The following AFAP1 variants were observed in gnomAD, a reference collection of about 807,000 sequenced individuals.
AFAP1 encodes the protein actin filament associated protein 1.
AFAP1 carries 75 observed loss-of-function variants against 93.9 expected under a neutral mutation model. The ratio of observed to expected loss-of-function variants is 0.80; its 90% CI spans 0.66 to 0.97. AFAP1 has a LOEUF of 0.97. AFAP1 is among the 50% of genes least tolerant of loss of function. AFAP1 has a pLI of 0.00. For synonymous variants in AFAP1, 517 were observed against 430.7 expected (o/e 1.20, Z -2.48); for missense variants, 1,201 against 1,050.8 (o/e 1.14, Z -1.98).
At chr4:7,934,370 CGT>C (rs1463967335) in intron 1 of AFAP1, among the ~76,000 whole-genome samples, 2 of 152,366 alleles carry the variant, frequency 1.3e-5, no homozygotes, top group South Asian at 2.1e-4. Flanking sequence ...CAGCTCTCCA[CGT>C]GTGAGTCACG....
chr4:7,851,560 C>A (rs538691361), intron 4 of AFAP1, among the ~76,000 whole-genome samples: 1 of 152,196 alleles, frequency 6.6e-6, no homozygotes, highest in East Asian at 1.9e-4. Flanking sequence ...TCTTGATACT[C>A]GGGTAAATAC....
chr4:7,764,727 G>T (rs1253761854), intron 17 of AFAP1, among the ~76,000 whole-genome samples: 1 of 152,184 alleles, frequency 6.6e-6, no homozygotes, highest in African/African-American at 2.4e-5. Flanking sequence ...GTGGGCACTG[G>T]GCAGGCACTG....
intron 6 of AFAP1, among the ~76,000 whole-genome samples, chr4:7,829,780 G>A (rs1372792208): frequency 6.6e-6 from 1 of 152,108 alleles, no homozygotes; most frequent in Non-Finnish European, 1.5e-5. Context: ...AGGGAAAATT[G>A]GTAAACCTCC....
At chr4:7,891,337 G>A (rs1285647273) in intron 1 of AFAP1, among the ~76,000 whole-genome samples, 1 of 152,088 alleles carries the variant, frequency 6.6e-6, no homozygotes, top group Non-Finnish European at 1.5e-5. Flanking sequence ...CGTCTTCACG[G>A]ACTAGGATTC....
At chr4:7,898,646 A>G (rs1450895926) in intron 1 of AFAP1, among the ~76,000 whole-genome samples, 2 of 69,566 alleles carry the variant, frequency 2.9e-5, no homozygotes, top group Non-Finnish European at 6.9e-5. Context: ...GAGTTAAACA[A>G]AGAAAAAGAA....
At position 7,868,660 on chromosome 4, in the gene AFAP1, G is replaced by A. The variant is rs1408313432; in HGVS notation, c.187C>T (p.Pro63Ser). Residue 63 changes from proline (P) to serine (S), a missense_variant, in exon 3 of 18, where the codon CCT becomes TCT. By Grantham distance (74) the Pro-to-Ser change is moderately conservative (BLOSUM62 -1). Coordinates refer to ENST00000420658, the MANE Select transcript of AFAP1 (RefSeq NM_001134647.2). ...GGGATCTCCGGCAGGGGCATCTGAG[G>A]AGGGGCTGGCAGGCTGTTAGCGGTC... is the stretch of plus-strand genomic sequence containing the variant. Reference protein sequence around the residue: ...QETANSLPAPPQMPLPEIPQP... With the variant: ...QETANSLPAPSQMPLPEIPQP... 1.2e-6 allele frequency: 2 copies of A among 1,613,328 alleles called. No homozygotes were observed. The highest frequency in any genetic ancestry group is 1.7e-6 in the Non-Finnish European group (2 of 1,179,946).
chr4:7,920,874 T>C (rs1238557900), intron 1 of AFAP1, among the ~76,000 whole-genome samples: 1 of 152,146 alleles, frequency 6.6e-6, no homozygotes, highest in African/African-American at 2.4e-5. Flanking sequence ...CTGAAAAATA[T>C]CTTCTACAGA....
Position 7,837,073 on chromosome 4 carries a change from T to C in AFAP1, c.726+1451A>G, listed in dbSNP as rs964883678. On this transcript the variant is annotated intron_variant, in intron 6 of 17. Coordinates refer to ENST00000420658, the MANE Select transcript of AFAP1 (RefSeq NM_001134647.2). ...CTGTCAAACCACCATGCTGATGACA[T>C]TTATGAAGATAAACGTCAAGTAAAC... 1.8e-4 allele frequency among the ~76,000 whole-genome samples: 27 copies of C among 152,230 alleles called. 1 individual carries two copies. The highest frequency in any genetic ancestry group is 1.2e-3 in the Admixed American group (19 of 15,290).
chr4:7,910,315 T>A (rs1423100465), intron 1 of AFAP1, among the ~76,000 whole-genome samples: 1 of 151,948 alleles, frequency 6.6e-6, no homozygotes, highest in Admixed American at 6.6e-5. Context: ...CTAGCCCTGC[T>A]ACCAACCGGC....
intron 3 of AFAP1, among the ~76,000 whole-genome samples, chr4:7,865,077 T>G (rs1429611650): frequency 6.6e-6 from 1 of 152,176 alleles, no homozygotes; most frequent in African/African-American, 2.4e-5. Flanking sequence ...TTCTAGGAAT[T>G]CTAAACTCAG....
intron 1 of AFAP1, among the ~76,000 whole-genome samples, chr4:7,918,965 T>TAGGCCCAGG (rs1560236333): frequency 1.1e-3 from 33 of 30,730 alleles, no homozygotes; most frequent in African/African-American, 3.0e-3. Flanking sequence ...AACAGGGCTG[T>TAGGCCCAGG]TGGAAGAGAC....
chr4:7,769,156 G>T lies in AFAP1; in HGVS notation c.2254-148C>A, dbSNP rs1006567329. ...AGCAGCAAGGACTGCCACGTGGTCA[G>T]TGCCTCACCCCCAGAGCGTCTCCTG... On this transcript the variant is annotated intron_variant, in intron 16 of 17. Transcript: ENST00000420658. The T allele has an allele frequency of 3.7e-6, 4 of 1,076,410 alleles. No individual in the cohort carries two copies. The African/African-American group carries it at 4.8e-5, about 13-fold the overall frequency. The allele number at this position is 1,076,410 out of a possible 1,614,324, so 66.7% of individuals were successfully genotyped here.
In AFAP1 at chr4:7,905,575, A is replaced by G. The variant is rs139043752; in HGVS notation, c.-2-33495T>C. Among the ~76,000 whole-genome samples, 183 of 152,310 alleles carry G rather than the reference A, an allele frequency of 1.2e-3. 2 individuals carry two copies. The East Asian group carries it at 0.024, about 20-fold the overall frequency. On this transcript the variant is annotated intron_variant, in intron 1 of 17. Transcript: ENST00000420658. ...TTTTCTAAAAAGATTTCTTTTTCAC[A>G]TGCCTTAAATAAAAATTCCTTTCCC...
chr4:7,758,962 A>G lies in AFAP1; in HGVS notation c.*4803T>C, dbSNP rs1713389445. ...TTTACAGTCATTTGAAGTGGGCACT[A>G]CTAACATATTTAATTTAAAAAAATC... is the stretch of plus-strand genomic sequence containing the variant. On this transcript the variant is annotated 3_prime_UTR_variant, in exon 18 of 18. Transcript: ENST00000420658. 6.6e-6 allele frequency: 1 copy of G among 152,356 alleles called. No individual in the cohort carries two copies. The highest frequency in any genetic ancestry group is 2.1e-4 in the South Asian group (1 of 4,832). The allele number at this position is 152,356 out of a possible 1,614,324, so 9.4% of individuals were successfully genotyped here.
In AFAP1 at chr4:7,760,468, CCA is replaced by C. The variant is rs1208898011; in HGVS notation, c.*3295_*3296del. The stretch of plus-strand genomic sequence containing the variant: ...TGGTGCCTGGGGTGACTCAGCAGAT[CCA>C]CACTGGTTACCTTGCAACTGCCGTG... On this transcript the variant is annotated 3_prime_UTR_variant, in exon 18 of 18. Coordinates refer to ENST00000420658, the MANE Select transcript of AFAP1 (RefSeq NM_001134647.2). 1 of 152,294 alleles carries C rather than the reference CCA, an allele frequency of 6.6e-6. No individual in the cohort carries two copies. Among genetic ancestry groups the C allele is most frequent in the Non-Finnish European group, 1.5e-5 (1 of 68,142 alleles). 9.4% of individuals were successfully genotyped at this position (152,294 alleles called of 1,614,324 possible). A position where few individuals can be genotyped will look rare whatever the true frequency, so the allele number is the denominator to read the frequency against.
intron 1 of AFAP1, among the ~76,000 whole-genome samples, chr4:7,902,682 C>A (rs1461623426): frequency 6.6e-6 from 1 of 152,190 alleles, no homozygotes; most frequent in Non-Finnish European, 1.5e-5. Context: ...AACTGTGACC[C>A]TGGAGTACAT....
In AFAP1 at chr4:7,759,887, T is replaced by G. The variant is rs550431743; in HGVS notation, c.*3878A>C. On this transcript the variant is annotated 3_prime_UTR_variant, in exon 18 of 18. Transcript: ENST00000420658. Reference sequence around the variant, plus strand: ...TCTGGATGGCAGTCGCCGGCCACACTGCAGGCTGCCCATCCTTGGATGGTG... The same window carrying G: ...TCTGGATGGCAGTCGCCGGCCACACGGCAGGCTGCCCATCCTTGGATGGTG... 6.6e-6 allele frequency: 1 copy of G among 152,290 alleles called. No homozygotes were observed. 9.4% of individuals were successfully genotyped at this position (152,290 alleles called of 1,614,324 possible). A position where few individuals can be genotyped will look rare whatever the true frequency, so the allele number is the denominator to read the frequency against.
At chr4:7,887,466 C>G (rs1175063554) in intron 1 of AFAP1, among the ~76,000 whole-genome samples, 1 of 152,114 alleles carries the variant, frequency 6.6e-6, no homozygotes, top group Non-Finnish European at 1.5e-5. Context: ...CTCTGATTTT[C>G]TACTCTGACA....
At chr4:7,868,080 G>A (rs774294013) in intron 3 of AFAP1, among the ~76,000 whole-genome samples, 4 of 149,972 alleles carry the variant, frequency 2.7e-5, no homozygotes, top group Non-Finnish European at 5.9e-5. Flanking sequence ...TGAGGGAATC[G>A]CCAGATTAAA....
Sources: allele counts gnomAD v4.1 joint callset (sites outside exome capture counted in the v4.1 genomes callset), GRCh38; gene constraint gnomAD v4.1.1; transcripts MANE v1.5; gene names NCBI Gene and HGNC (gene_info 2026-07-23, HGNC 2026-07-21).